The following STX12 variants were observed in gnomAD, a reference collection of about 807,000 sequenced individuals.
STX12 encodes the protein syntaxin 12.
Under a neutral mutation model 42.2 loss-of-function variants are expected in STX12, and 17 were observed. That is an observed-to-expected ratio of 0.40 (90% CI 0.28 to 0.60). STX12 has a LOEUF of 0.60. Ranked by LOEUF, STX12 falls within the 20% of genes least tolerant of loss-of-function variation. STX12 has a pLI of 0.39. For synonymous variants in STX12, 108 were observed against 116.7 expected (o/e 0.93, Z 0.48); for missense variants, 297 against 330.9 (o/e 0.90, Z 0.79).
chr1:27,779,446 G>T (rs1455596479), intron 1 of STX12, among the ~76,000 whole-genome samples: 1 of 151,462 alleles, frequency 6.6e-6, no homozygotes, highest in Admixed American at 6.6e-5. Flanking sequence ...CAGTTCTCCT[G>T]CCTCAGCCTC....
At chr1:27,809,272 G>A (rs2088885655) in intron 4 of STX12, among the ~76,000 whole-genome samples, 1 of 150,182 alleles carries the variant, frequency 6.7e-6, no homozygotes, top group South Asian at 2.1e-4. Flanking sequence ...AGGCAGAGGT[G>A]GTAGTGCAGC....
intron 1 of STX12, among the ~76,000 whole-genome samples, chr1:27,783,905 G>C (rs905787178): frequency 6.6e-6 from 1 of 151,944 alleles, no homozygotes; most frequent in Non-Finnish European, 1.5e-5. Context: ...TTGGCCAAGC[G>C]TGGTGGCTCA....
At chr1:27,779,326 T>TG (rs1274457546) in intron 1 of STX12, among the ~76,000 whole-genome samples, 1 of 148,046 alleles carries the variant, frequency 6.8e-6, no homozygotes, top group African/African-American at 2.7e-5. Flanking sequence ...TGGTTTTTTT[T>TG]GTTTTTGTTT....
rs2089006719 is a variant in STX12, at chr1:27,824,352, T to C, written c.*2023T>C. Reference sequence around the variant, plus strand: ...TGTAATGGTGATCATGGAGAGCAAATATGAACTTGGCCTGGATTTTAAATG... The same window carrying C: ...TGTAATGGTGATCATGGAGAGCAAACATGAACTTGGCCTGGATTTTAAATG... On this transcript the variant is annotated 3_prime_UTR_variant, in exon 9 of 9. Transcript: ENST00000373943. 1 of 152,192 alleles carries C rather than the reference T, an allele frequency of 6.6e-6. No individual in the cohort carries two copies. Among genetic ancestry groups the C allele is most frequent in the African/African-American group, 2.4e-5 (1 of 41,442 alleles). The allele number at this position is 152,192 out of a possible 1,614,324, so 9.4% of individuals were successfully genotyped here. A position where few individuals can be genotyped will look rare whatever the true frequency, so the allele number is the denominator to read the frequency against.
intron 1 of STX12, chr1:27,774,179 T>C (rs2088613700): frequency 6.6e-6 from 1 of 152,194 alleles, no homozygotes; most frequent in Non-Finnish European, 1.5e-5. Context: ...CTAAGACACT[T>C]AGCCACAACC....
At chr1:27,809,624 T>A (rs2088890198) in intron 4 of STX12, among the ~76,000 whole-genome samples, 1 of 151,524 alleles carries the variant, frequency 6.6e-6, no homozygotes, top group Non-Finnish European at 1.5e-5. Context: ...GTCCAGCTAA[T>A]TTTTTTTGTA....
At chr1:27,797,875 AACACACAC>A (rs61106135) in intron 3 of STX12, among the ~76,000 whole-genome samples, 5 of 143,112 alleles carry the variant, frequency 3.5e-5, no homozygotes, top group South Asian at 2.2e-4. Context: ...TCTGAAGGTA[AACACACAC>A]ACACACACAC....
intron 5 of STX12, 87 bp downstream of exon 5, chr1:27,810,376 TAGAG>T (rs1292222537): frequency 1.1e-5 from 14 of 1,326,792 alleles, no homozygotes; most frequent in African/African-American, 1.5e-5. Flanking sequence ...AATGAAAAAA[TAGAG>T]GGCAAAAATA....
intron 3 of STX12, among the ~76,000 whole-genome samples, chr1:27,797,988 A>G (rs906106194): frequency 3.9e-5 from 6 of 152,110 alleles, no homozygotes; most frequent in African/African-American, 1.4e-4. Context: ...GGCAAATTAC[A>G]TAGCCTCTGT....
In STX12 at chr1:27,793,543, C is replaced by G; in HGVS notation, c.199C>G (p.Gln67Glu). ...TCTTTTCTCTCTTAGGCAACAGTTA[C>G]AACACTCCACAAATCAGCTCGCCAA... Reference protein sequence around the residue: ...SKLQENLQQLQHSTNQLAKET... With the variant: ...SKLQENLQQLEHSTNQLAKET... Residue 67 changes from glutamine (Q) to glutamate (E), a missense_variant, in exon 3 of 9, where the codon CAA becomes GAA. Physicochemically the swap from Gln to Glu is conservative, Grantham distance 29. Transcript: ENST00000373943. The G allele has an allele frequency of 6.2e-7, 1 of 1,614,000 alleles. No homozygotes were observed. Among genetic ancestry groups the G allele is most frequent in the Non-Finnish European group, 8.5e-7 (1 of 1,179,912 alleles).
At chr1:27,805,427 T>C (rs980306274) in intron 4 of STX12, among the ~76,000 whole-genome samples, 1 of 152,218 alleles carries the variant, frequency 6.6e-6, no homozygotes, top group African/African-American at 2.4e-5. Flanking sequence ...AGTAGCATTA[T>C]TTTCATTTTT....
chr1:27,817,319 A>G lies in STX12; in HGVS notation c.577-532A>G, dbSNP rs546491358. Among the ~76,000 whole-genome samples the G allele has an allele frequency of 2.6e-5, 4 of 152,326 alleles. No homozygotes were observed. The East Asian group carries it at 7.7e-4, about 29-fold the overall frequency. On this transcript the variant is annotated intron_variant, in intron 6 of 8. Coordinates refer to ENST00000373943, the MANE Select transcript of STX12 (RefSeq NM_177424.3). ...ATCAGCTTTTTGTCAGTCAGTTGGG[A>G]GTTACCATAGGGCATTGTCCAGTGA...
At chr1:27,781,928 C>G (rs2088670237) in intron 1 of STX12, among the ~76,000 whole-genome samples, 1 of 152,060 alleles carries the variant, frequency 6.6e-6, no homozygotes, top group African/African-American at 2.4e-5. Context: ...TGCCATTGTT[C>G]TAAATTTAGC....
chr1:27,776,036 G>A (rs2088625787), intron 1 of STX12, among the ~76,000 whole-genome samples: 1 of 152,164 alleles, frequency 6.6e-6, no homozygotes, highest in African/African-American at 2.4e-5. Flanking sequence ...GAATTCAAAG[G>A]GAGAGACTGG....
chr1:27,810,072 C>T, intron 4 of STX12, 174 bp from the exon 5 acceptor site: 1 of 547,084 alleles, frequency 1.8e-6, no homozygotes, highest in Non-Finnish European at 3.2e-6. Context: ...TTTTCTTCAA[C>T]CACTTTACAC....
At chr1:27,797,499 T>C (rs190671348) in intron 3 of STX12, among the ~76,000 whole-genome samples, 97 of 152,280 alleles carry the variant, frequency 6.4e-4, no homozygotes, top group African/African-American at 2.2e-3. Flanking sequence ...GGACTTCATA[T>C]CCTCCTAAGA....
At chr1:27,794,975 G>A (rs1030040517) in intron 3 of STX12, among the ~76,000 whole-genome samples, 1 of 152,070 alleles carries the variant, frequency 6.6e-6, no homozygotes, top group Non-Finnish European at 1.5e-5. Context: ...CTCCTTTCTT[G>A]GCCTTGCAAA....
rs186727051 is a variant in STX12 at position 27,799,632 on chromosome 1, C to T, written c.289-2046C>T. 5.9e-5 allele frequency among the ~76,000 whole-genome samples: 9 copies of T among 151,710 alleles called. No individual in the cohort carries two copies. The South Asian group carries it at 6.2e-4, about 11-fold the overall frequency. On this transcript the variant is annotated intron_variant, in intron 3 of 8. Coordinates refer to ENST00000373943, the MANE Select transcript of STX12 (RefSeq NM_177424.3). ...CAAGTGGCAAAGGACTACAGGCGCA[C>T]GCCACCACGCCTGGCTAATTTTTTG...
In STX12 at chr1:27,824,195, C is replaced by T. The variant is rs979312832; in HGVS notation, c.*1866C>T. The T allele has an allele frequency of 1.3e-5, 2 of 152,132 alleles. No homozygotes were observed. Among genetic ancestry groups the T allele is most frequent in the African/African-American group, 4.8e-5 (2 of 41,420 alleles). 9.4% of individuals were successfully genotyped at this position (152,132 alleles called of 1,614,324 possible). On this transcript the variant is annotated 3_prime_UTR_variant, in exon 9 of 9. Transcript: ENST00000373943. The stretch of plus-strand genomic sequence containing the variant: ...ATGATCCCTGTTTAACTCCAAATTA[C>T]AGTCGGACTTGGATACATCATTTGT...
Sources: gnomAD v4.1 joint callset for allele counts (sites outside exome capture counted in the v4.1 genomes callset) on GRCh38, gnomAD v4.1.1 for gene constraint, MANE v1.5 for transcripts, NCBI Gene and HGNC (gene_info 2026-07-23, HGNC 2026-07-21) for gene names.